Variants in ZNF184 observed in about 807,000 individuals in gnomAD.
ZNF184 encodes the protein zinc finger protein 184 (Kruppel-like).
In ZNF184, 16 loss-of-function variants were observed where a neutral mutation model predicts 54.4. That is an observed-to-expected ratio of 0.29 (90% confidence interval 0.20 to 0.45). The LOEUF (loss-of-function observed/expected upper bound fraction) is 0.45, where lower values mean the gene tolerates loss of function less well. ZNF184 is among the 20% of genes least tolerant of loss of function. The pLI is 1.00. For missense variants in ZNF184, 681 were observed against 888.2 expected (o/e 0.77, Z 2.97); for synonymous variants, 254 against 295.3 (o/e 0.86, Z 1.43).
At chr6:27,469,111 A>G (rs1229913280) in intron 2 of ZNF184, among the ~76,000 whole-genome samples, 3 of 152,214 alleles carry the variant, frequency 2.0e-5, no homozygotes, top group Admixed American at 1.3e-4. Flanking sequence ...TTAATTATGT[A>G]TAATTATGCA....
the ZNF184 span, among the ~76,000 whole-genome samples, chr6:27,424,427 C>T: frequency 2.6e-5 from 4 of 152,342 alleles, no homozygotes; most frequent in Admixed American, 1.3e-4. Context: ...GCCCCACCCA[C>T]ATCCTGCTGA....
Position 27,451,404 on chromosome 6 carries a change from T to C in ZNF184, c.2155A>G (p.Ile719Val), listed in dbSNP as rs768962695. The change falls in exon 6 of 6, where the codon ATT (isoleucine) becomes GTT (valine). Residue 719 changes from isoleucine (I) to valine (V), a missense_variant. Transcript: ENST00000683788. ...CCAAAAGGCTTCTCTCCTGAATGAA[T>C]TCTCTGGTGCTGAATGAGATATGTG... ...QSTYLIQHQR[I>V]HSGEKPFGCN... 1.2e-6 allele frequency: 2 copies of C among 1,614,204 alleles called. No individual in the cohort carries two copies. Among genetic ancestry groups the C allele is most frequent in the Non-Finnish European group, 1.7e-6 (2 of 1,180,014 alleles).
At chr6:27,460,925 G>A (rs1762978465) in intron 3 of ZNF184, among the ~76,000 whole-genome samples, 1 of 152,162 alleles carries the variant, frequency 6.6e-6, no homozygotes. Context: ...CCTTGAACAA[G>A]TTCTGAAAAC....
the ZNF184 span, among the ~76,000 whole-genome samples, chr6:27,418,826 T>C: frequency 2.0e-5 from 3 of 152,204 alleles, no homozygotes; most frequent in Non-Finnish European, 4.4e-5. Flanking sequence ...CTTCTGTCAT[T>C]TTGTATACAA....
the ZNF184 span, among the ~76,000 whole-genome samples, chr6:27,417,410 A>G: frequency 1.3e-5 from 2 of 150,018 alleles, no homozygotes; most frequent in Non-Finnish European, 3.0e-5. Context: ...CAATCCTTTC[A>G]GGGTTCCAGG....
At chr6:27,465,244 G>A (rs1356138274) in intron 3 of ZNF184, among the ~76,000 whole-genome samples, 1 of 151,086 alleles carries the variant, frequency 6.6e-6, no homozygotes, top group East Asian at 2.0e-4. Context: ...CAGCACTTCG[G>A]GAGGGCGAGG....
At chr6:27,454,304 C>A (rs541929886) in intron 5 of ZNF184, among the ~76,000 whole-genome samples, 2 of 152,112 alleles carry the variant, frequency 1.3e-5, no homozygotes, top group Admixed American at 1.3e-4. Flanking sequence ...ATGAGCAGTG[C>A]GGCAGACCTC....
chr6:27,463,182 G>A (rs1216581961), intron 3 of ZNF184, among the ~76,000 whole-genome samples: 20 of 148,114 alleles, frequency 1.4e-4, no homozygotes, highest in Non-Finnish European at 1.8e-4. Context: ...GCTAAATGAC[G>A]AGTTAATGGG....
rs1202753256 is a variant in ZNF184 at position 27,452,117 on chromosome 6, T to C, written c.1442A>G (p.Lys481Arg). The change falls in exon 6 of 6, where the codon AAG (lysine) becomes AGG (arginine). Residue 481 changes from lysine to arginine, a missense_variant. Physicochemically the swap from Lys to Arg is conservative, Grantham distance 26. Coordinates refer to ENST00000683788, the MANE Select transcript of ZNF184 (RefSeq NM_001318891.2). This position sits in a 1 kb window ranked among gnomAD's most constrained non-coding sequence, Gnocchi z 5.5. ...EKPYKCNECG[K>R]AFSYCSSLTQ... is the part of the protein sequence containing the mutation. ...AAGGGATGAGCAGTAACTGAAGGCC[T>C]TTCCACATTCATTGCATTTGTAAGG... is the stretch of plus-strand genomic sequence containing the variant. 2.5e-6 allele frequency: 4 copies of C among 1,613,996 alleles called. No homozygotes were observed. The highest frequency in any genetic ancestry group is 3.4e-6 in the Non-Finnish European group (4 of 1,180,016).
the ZNF184 span, among the ~76,000 whole-genome samples, chr6:27,419,269 G>GA: frequency 3.3e-5 from 5 of 151,860 alleles, no homozygotes; most frequent in African/African-American, 9.7e-5. The surrounding 1 kb of genome is among the most constrained non-coding windows in gnomAD (Gnocchi z 4.8). Flanking sequence ...CCACCTTGGC[G>GA]AATTTCTTTC....
At chr6:27,423,507 TATA>T in the ZNF184 span, among the ~76,000 whole-genome samples, 13 of 152,118 alleles carry the variant, frequency 8.5e-5, no homozygotes, top group African/African-American at 2.7e-4. Context: ...TCACTATCAT[TATA>T]ATAATTCAGC....
chr6:27,419,223 A>T, the ZNF184 span, among the ~76,000 whole-genome samples: 1 of 152,126 alleles, frequency 6.6e-6, no homozygotes, highest in African/African-American at 2.4e-5. This position sits in a 1 kb window ranked among gnomAD's most constrained non-coding sequence, Gnocchi z 4.8. Flanking sequence ...CTCCTGTCTC[A>T]GCCTCCCAAT....
At chr6:27,443,011 GCTCA>G in the ZNF184 span, among the ~76,000 whole-genome samples, 2 of 152,120 alleles carry the variant, frequency 1.3e-5, no homozygotes, top group Non-Finnish European at 2.9e-5. Flanking sequence ...CAGACTCTGT[GCTCA>G]CTATTTTTGA....
intron 5 of ZNF184, among the ~76,000 whole-genome samples, chr6:27,455,469 T>C (rs726831): frequency 9.5e-4 from 144 of 152,360 alleles, no homozygotes; most frequent in Middle Eastern, 3.4e-3. Context: ...TCATTTTTAA[T>C]TTGTAATAAA....
intron 5 of ZNF184, among the ~76,000 whole-genome samples, chr6:27,455,834 C>T (rs1345875677): frequency 3.3e-5 from 5 of 152,148 alleles, no homozygotes; most frequent in Admixed American, 6.6e-5. Flanking sequence ...AGAGACGTAT[C>T]GCTTACCTAG....
chr6:27,436,534 T>C, the ZNF184 span, among the ~76,000 whole-genome samples: 1 of 152,212 alleles, frequency 6.6e-6, no homozygotes, highest in Non-Finnish European at 1.5e-5. Flanking sequence ...AGGAAGGCGA[T>C]CATGTAATTT....
the ZNF184 span, among the ~76,000 whole-genome samples, chr6:27,418,231 T>C: frequency 1.3e-5 from 2 of 152,200 alleles, no homozygotes; most frequent in Non-Finnish European, 2.9e-5. Flanking sequence ...GGAGAGCCTA[T>C]TCAGGCCACA....
the ZNF184 span, among the ~76,000 whole-genome samples, chr6:27,438,881 T>G: frequency 6.6e-6 from 1 of 152,206 alleles, no homozygotes; most frequent in Non-Finnish European, 1.5e-5. Context: ...TTGGCCAATT[T>G]TGAGTTTTTT....
chr6:27,441,054 C>G, the ZNF184 span, among the ~76,000 whole-genome samples: 1 of 151,986 alleles, frequency 6.6e-6, no homozygotes, highest in Non-Finnish European at 1.5e-5. Context: ...AAGGTGCAAA[C>G]TATCATGAAA....
Sources: gnomAD v4.1 joint callset for allele counts (sites outside exome capture counted in the v4.1 genomes callset) on GRCh38, gnomAD v4.1.1 for gene constraint, Gnocchi (gnomAD v3.1) non-coding constraint, MANE v1.5 for transcripts, NCBI Gene and HGNC (gene_info 2026-07-23, HGNC 2026-07-21) for gene names.